The following CDHR4 variants were observed in gnomAD, a reference collection of about 807,000 sequenced individuals.
The protein encoded by CDHR4 is cadherin related family member 4, also known as cadherin-related family member 4.
A neutral mutation model predicts 88.4 loss-of-function variants in CDHR4; 89 were observed. The observed-to-expected ratio is 1.01, with a 90% CI of 0.85 to 1.20. The LOEUF (loss-of-function observed/expected upper bound fraction) is 1.20. Ranked by LOEUF, CDHR4 falls within the 50% of genes most tolerant of loss-of-function variation. CDHR4 has a pLI of 0.00. For missense variants in CDHR4, 914 were observed against 1,007.2 expected (o/e 0.91, Z 1.25); for synonymous variants, 368 against 399.2 (o/e 0.92, Z 0.93).
chr3:49,793,320 A>G lies in CDHR4; in HGVS notation c.1624-9T>C. On this transcript the variant is annotated splice_polypyrimidine_tract_variant and intron_variant, in intron 12 of 18. Transcript: ENST00000412678. ...GCATGGTCATTCACATCCTGCAGAAAGGAACCAGGTTAGGAGTGGGTGGAA... is the reference window on the plus strand; with the variant it reads ...GCATGGTCATTCACATCCTGCAGAAGGGAACCAGGTTAGGAGTGGGTGGAA... The G allele has an allele frequency of 1.3e-6, 2 of 1,551,162 alleles. No individual in the cohort carries two copies. The highest frequency in any genetic ancestry group is 1.7e-6 in the Non-Finnish European group (2 of 1,146,894).
At position 49,795,556 on chromosome 3, in the gene CDHR4, G is replaced by T; in HGVS notation, c.847+72C>A. The stretch of plus-strand genomic sequence containing the variant: ...GGCCCCCAAACAGGAAGGTGAAGAG[G>T]TACTATGGGTCACCTCTGGACCAGC... On this transcript the variant is annotated intron_variant, in intron 7 of 18. Coordinates refer to ENST00000412678, the MANE Select transcript of CDHR4 (RefSeq NM_001007540.4). This position sits in a 1 kb window ranked among gnomAD's most constrained non-coding sequence, Gnocchi z 5.4. 1 of 1,537,820 alleles carries T rather than the reference G, an allele frequency of 6.5e-7. No individual in the cohort carries two copies. Among genetic ancestry groups the T allele is most frequent in the Non-Finnish European group, 8.8e-7 (1 of 1,138,676 alleles).
Position 49,799,353 on chromosome 3 carries a change from G to A in CDHR4, c.134C>T (p.Ser45Phe). ...CAGGGTGGGTGTGGGCGTGTAGGAGGAGCAGTTGAAGGATAAAAACTGAAG... is the reference window on the plus strand; with the variant it reads ...CAGGGTGGGTGTGGGCGTGTAGGAGAAGCAGTTGAAGGATAAAAACTGAAG... ...TVLQFLSFNC[S>F]SYTPTPTLEL... The change falls in exon 2 of 19, where the codon TCC (serine) becomes TTC (phenylalanine). Residue 45 changes from serine to phenylalanine, a missense_variant. Ser to Phe is a radical substitution (Grantham distance 155). Coordinates refer to ENST00000412678, the MANE Select transcript of CDHR4 (RefSeq NM_001007540.4). 6.2e-7 allele frequency: 1 copy of A among 1,613,434 alleles called. No individual in the cohort carries two copies. The highest frequency in any genetic ancestry group is 1.3e-5 in the African/African-American group (1 of 75,060).
At chr3:49,799,185 G>C in intron 2 of CDHR4, 29 bp from the exon 3 acceptor site, 1 of 1,597,330 alleles carries the variant, frequency 6.3e-7, no homozygotes, top group Non-Finnish European at 8.5e-7. Context: ...GCCATGTGGG[G>C]CTTGGAAATT....
rs771706234 is a variant in CDHR4 at position 49,797,022 on chromosome 3, A to C, written c.506T>G (p.Ile169Ser). ...GAAGTGTGGCAGGTCCTGGGCACTG[A>C]TAATGCTCATCTGACAGAACAGAGA... ...LELHGAQMSI[I>S]SAQDLPHFPG... is the part of the protein sequence containing the mutation. The change falls in exon 5 of 19, where the codon ATC becomes AGC. Residue 169 changes from isoleucine to serine, a missense_variant. Coordinates refer to ENST00000412678, the MANE Select transcript of CDHR4 (RefSeq NM_001007540.4). 1 of 1,551,548 alleles carries C rather than the reference A, an allele frequency of 6.4e-7. No individual in the cohort carries two copies. The highest frequency in any genetic ancestry group is 1.2e-5 in the South Asian group (1 of 84,058).
chr3:49,794,534 C>T, intron 10 of CDHR4, 74 bp downstream of exon 10: 1 of 1,206,676 alleles, frequency 8.3e-7, no homozygotes, highest in Non-Finnish European at 1.2e-6. Context: ...GAGAGATGAC[C>T]CTGTCCTGAG....
At chr3:49,794,416 TGA>T (rs1185408706) in intron 10 of CDHR4, among the ~76,000 whole-genome samples, 190 bp downstream of exon 10, 2 of 140,234 alleles carry the variant, frequency 1.4e-5, no homozygotes, top group African/African-American at 5.3e-5. Flanking sequence ...AAAAAGAGAG[TGA>T]GAGGGTCTAA....
upstream of CDHR4, among the ~76,000 whole-genome samples, chr3:49,801,247 G>T (rs2081357245): frequency 6.6e-6 from 1 of 152,166 alleles, no homozygotes; most frequent in African/African-American, 2.4e-5. Flanking sequence ...TTCAATGCTT[G>T]CTCCCCTTGG....
intron 14 of CDHR4, 43 bp from the exon 15 acceptor site, chr3:49,792,653 C>T (rs1422229987): frequency 1.3e-6 from 2 of 1,548,122 alleles, no homozygotes; most frequent in Non-Finnish European, 1.7e-6. Context: ...TGCCAAAATG[C>T]CCTGACCATC....
intron 17 of CDHR4, 82 bp downstream of exon 17, chr3:49,791,632 T>C: frequency 1.3e-6 from 2 of 1,501,994 alleles, no homozygotes; most frequent in Non-Finnish European, 9.0e-7. Context: ...AAAAGGGGCA[T>C]GGGAAAAAAG....
In CDHR4 at chr3:49,791,971, G is replaced by A; in HGVS notation, c.2139-12C>T. On this transcript the variant is annotated splice_polypyrimidine_tract_variant and intron_variant, in intron 15 of 18. Transcript: ENST00000412678. The stretch of plus-strand genomic sequence containing the variant: ...GCAGCTGGGCCAACCTAAAATGCCA[G>A]GAGGAGTAACGAAGCAGTGAGGGCA... 1 of 1,551,560 alleles carries A rather than the reference G, an allele frequency of 6.4e-7. No individual in the cohort carries two copies. The highest frequency in any genetic ancestry group is 8.7e-7 in the Non-Finnish European group (1 of 1,146,968).
In CDHR4 at chr3:49,792,937, G is replaced by C. The variant is rs768920368; in HGVS notation, c.1912C>G (p.His638Asp). 62 of 1,551,434 alleles carry C rather than the reference G, an allele frequency of 4.0e-5. No individual in the cohort carries two copies. The highest frequency in any genetic ancestry group is 5.9e-5 in the South Asian group (5 of 84,054). ...ATAATGGTGGCTGTGGTGCTGAGGTGGGGGGTGGAGGGGCCTGCATCGGCC... is the reference window on the plus strand; with the variant it reads ...ATAATGGTGGCTGTGGTGCTGAGGTCGGGGGTGGAGGGGCCTGCATCGGCC... Reference protein sequence around the residue: ...CVADAGPSTPHLSTTATIIVH... With the variant: ...CVADAGPSTPDLSTTATIIVH... Residue 638 changes from histidine to aspartate, a missense_variant, in exon 14 of 19, where the codon CAC (histidine) becomes GAC (aspartate). Coordinates refer to ENST00000412678, the MANE Select transcript of CDHR4 (RefSeq NM_001007540.4).
At chr3:49,797,720 G>A (rs2081292634) in intron 4 of CDHR4, among the ~76,000 whole-genome samples, 2 of 151,890 alleles carry the variant, frequency 1.3e-5, no homozygotes, top group South Asian at 2.1e-4. Context: ...GACCTCCAGT[G>A]ATCCACCCGC....
Position 49,795,758 on chromosome 3 carries a change from C to G in CDHR4, c.717G>C (p.Gln239His). Residue 239 changes from glutamine to histidine, a missense_variant, in exon 7 of 19, where the codon CAG becomes CAC. Transcript: ENST00000412678. The surrounding 1 kb of genome is among the most constrained non-coding windows in gnomAD (Gnocchi z 5.4). ...VPSSQVSFLE[Q>H]AQNITIPENL... ...TCTCAGGGATGGTGATATTCTGAGC[C>G]TGCTCGCTGGACCAAAAGGGGGGCA... 2 of 1,551,690 alleles carry G rather than the reference C, an allele frequency of 1.3e-6. No individual in the cohort carries two copies. The highest frequency in any genetic ancestry group is 1.7e-6 in the Non-Finnish European group (2 of 1,146,986).
chr3:49,793,386 T>A, intron 12 of CDHR4, 75 bp from the exon 13 acceptor site: 1 of 1,507,156 alleles, frequency 6.6e-7, no homozygotes, highest in Non-Finnish European at 8.9e-7. Flanking sequence ...CAACTTCTTC[T>A]CACCACAGCC....
Position 49,799,144 on chromosome 3 carries a change from T to A in CDHR4, c.253A>T (p.Ser85Cys). The A allele has an allele frequency of 6.3e-7, 1 of 1,579,298 alleles. No individual in the cohort carries two copies. The highest frequency in any genetic ancestry group is 8.6e-7 in the Non-Finnish European group (1 of 1,162,462). Residue 85 changes from serine to cysteine, a missense_variant, in exon 3 of 19, where the codon AGC becomes TGC. Transcript: ENST00000412678. ...GTYVGKLTLS[S>C]SAQLDALMVN... The stretch of plus-strand genomic sequence containing the variant: ...ATCAGGGCATCCAACTGAGCAGAGC[T>A]GCTCAAGGTCAACTGGGGTGGGTGG...
intron 9 of CDHR4, 77 bp downstream of exon 9, chr3:49,794,870 C>T (rs1022211836): frequency 1.3e-6 from 2 of 1,532,026 alleles, no homozygotes; most frequent in African/African-American, 1.4e-5. Context: ...CTCCCGTGGT[C>T]TCAGAGACCC....
rs1438368382 is a variant in CDHR4 at position 49,792,611 on chromosome 3, C to T, written c.1996-1G>A. The T allele has an allele frequency of 1.3e-6, 2 of 1,551,596 alleles. No individual in the cohort carries two copies. Among genetic ancestry groups the T allele is most frequent in the Non-Finnish European group, 1.7e-6 (2 of 1,146,944 alleles). On this transcript the variant is annotated splice_acceptor_variant, in intron 14 of 18. Transcript: ENST00000412678. LOFTEE classifies it high-confidence loss of function. ...GCATGGGTGTCATCGTTGAGGGCAC[C>T]TGAAAAGGAGGCCACAGCCTCACCA...
At position 49,791,797 on chromosome 3, in the gene CDHR4, G is replaced by A. The variant is rs1369853192; in HGVS notation, c.2200C>T (p.Gln734Ter). The change falls in exon 17 of 19, where the codon CAG becomes TAG. Residue 734 changes from glutamine (Q) to a stop codon, truncating the protein, a stop_gained. Coordinates refer to ENST00000412678, the MANE Select transcript of CDHR4 (RefSeq NM_001007540.4). LOFTEE classifies it high-confidence loss of function. ...CCCTCGATGGATCCCTCAGTTCCCTGGATGCTGGGGCAAAGTACGAGCAAG... is the reference window on the plus strand; with the variant it reads ...CCCTCGATGGATCCCTCAGTTCCCTAGATGCTGGGGCAAAGTACGAGCAAG... ...PAQALLLNSIQGTEGSIEGFL... is the reference protein window; with the variant it reads ...PAQALLLNSI 6.4e-7 allele frequency: 1 copy of A among 1,551,590 alleles called. No individual in the cohort carries two copies. Among genetic ancestry groups the A allele is most frequent in the Non-Finnish European group, 8.7e-7 (1 of 1,146,992 alleles).
chr3:49,799,532 T>C, intron 1 of CDHR4, 95 bp from the exon 2 acceptor site: 1 of 1,342,938 alleles, frequency 7.4e-7, no homozygotes, highest in Non-Finnish European at 1.0e-6. Context: ...GGCCTGGCCA[T>C]GCCATGGGGC....
Sources: gnomAD v4.1 joint callset for allele counts (sites outside exome capture counted in the v4.1 genomes callset) on GRCh38, gnomAD v4.1.1 for gene constraint, Gnocchi (gnomAD v3.1) non-coding constraint, MANE v1.5 for transcripts, NCBI Gene and HGNC (gene_info 2026-07-23, HGNC 2026-07-21) for gene names.